The following CWC22 variants were observed in gnomAD, a reference collection of about 807,000 sequenced individuals.
CWC22 encodes CWC22 spliceosome associated protein.
Under a neutral mutation model 117.2 loss-of-function variants are expected in CWC22, and 53 were observed. The ratio of observed to expected loss-of-function variants is 0.45; its 90% confidence interval spans 0.36 to 0.57. CWC22 has a LOEUF of 0.57. Ranked by LOEUF, CWC22 falls within the 20% of genes least tolerant of loss-of-function variation. CWC22 has a pLI of 0.00. For synonymous variants in CWC22, 360 were observed against 355.6 expected, an observed-to-expected ratio of 1.01 and a Z score of -0.14; for missense variants, 980 against 1,068.8, an observed-to-expected ratio of 0.92 and a Z score of 1.16.
Position 179,979,330 on chromosome 2 carries a change from C to T in CWC22, c.453-1012G>A, listed in dbSNP as rs139309989. Reference sequence around the variant, plus strand: ...AATAACTACTTAAATTTCTAAGTAGCATGGCCATAATCCGTATCATGAAAT... The same window carrying T: ...AATAACTACTTAAATTTCTAAGTAGTATGGCCATAATCCGTATCATGAAAT... On this transcript the variant is annotated intron_variant, in intron 5 of 19. Transcript: ENST00000410053. Among the ~76,000 whole-genome samples the T allele has an allele frequency of 8.6e-4, 131 of 152,272 alleles. 1 individual carries two copies. Among genetic ancestry groups the T allele is most frequent in the Non-Finnish European group, 1.6e-3 (110 of 68,020 alleles).
chr2:179,954,153 T>C lies in CWC22; in HGVS notation c.1689+52A>G, dbSNP rs892881462. 19 of 1,428,934 alleles carry C rather than the reference T, an allele frequency of 1.3e-5. 1 individual carries two copies. Among genetic ancestry groups the C allele is most frequent in the Middle Eastern group, 3.6e-4 (2 of 5,520 alleles). 88.5% of individuals were successfully genotyped at this position (1,428,934 alleles called of 1,614,324 possible). A position where few individuals can be genotyped will look rare whatever the true frequency, so the allele number is the denominator to read the frequency against. On this transcript the variant is annotated intron_variant, in intron 16 of 19. Transcript: ENST00000410053. Reference sequence around the variant, plus strand: ...TATGGCTAGCTTATACGAAAATCTATTTGAGAACAGGGAATTAGGAAGGAA... The same window carrying C: ...TATGGCTAGCTTATACGAAAATCTACTTGAGAACAGGGAATTAGGAAGGAA...
chr2:179,976,755 T>A (rs1317795069), intron 6 of CWC22, among the ~76,000 whole-genome samples: 2 of 152,132 alleles, frequency 1.3e-5, no homozygotes, highest in African/African-American at 4.8e-5. Context: ...AAATAGCAAG[T>A]GTTGCCAAGG....
intron 1 of CWC22, among the ~76,000 whole-genome samples, chr2:180,005,216 C>CTTT (rs1687941835): frequency 6.6e-6 from 1 of 152,082 alleles, no homozygotes; most frequent in African/African-American, 2.4e-5. Context: ...AACTTATAAC[C>CTTT]AAGACAGTCT....
intron 1 of CWC22, among the ~76,000 whole-genome samples, chr2:180,004,994 T>A (rs1032496240): frequency 2.6e-5 from 4 of 151,216 alleles, no homozygotes; most frequent in Non-Finnish European, 5.9e-5. Flanking sequence ...CTCAAACTAA[T>A]TGGCATGAGA....
chr2:179,988,944 T>C (rs1575655658), intron 2 of CWC22, among the ~76,000 whole-genome samples: 1 of 151,684 alleles, frequency 6.6e-6, no homozygotes, highest in African/African-American at 2.4e-5. Context: ...TCAATAGTTT[T>C]ATGTGGAACA....
chr2:179,978,389 C>T (rs761112532), intron 5 of CWC22, 71 bp from the exon 6 acceptor site: 27 of 1,343,998 alleles, frequency 2.0e-5, no homozygotes, highest in Non-Finnish European at 2.3e-5. Flanking sequence ...AACATAAAAA[C>T]TACATAGTGC....
At chr2:179,986,976 A>G (rs1687434479) in intron 3 of CWC22, among the ~76,000 whole-genome samples, 171 bp from the exon 4 acceptor site, 1 of 152,174 alleles carries the variant, frequency 6.6e-6, no homozygotes, top group Non-Finnish European at 1.5e-5. Context: ...CAGAATTACA[A>G]AAGCTTTCAG....
chr2:179,950,529 C>T lies in CWC22; in HGVS notation c.2123G>A (p.Ser708Asn), dbSNP rs374782632. ...SEESDSSSIS[S>N]HSSASANDVR... ...TTCAATACCTGAGGCAGAGCTATGACTACTGATGGATGAAGAGTCGCTCTC... is the reference window on the plus strand; with the variant it reads ...TTCAATACCTGAGGCAGAGCTATGATTACTGATGGATGAAGAGTCGCTCTC... The change falls in exon 19 of 20, where the codon AGT becomes AAT. Residue 708 changes from serine to asparagine, a missense_variant. Around this residue, in one of 3 missense-constraint regions of CWC22, gnomAD observed 306 missense variants for 296.8 expected, o/e 1.03. Coordinates refer to ENST00000410053, the MANE Select transcript of CWC22 (RefSeq NM_020943.3). 5 of 1,610,056 alleles carry T rather than the reference C, an allele frequency of 3.1e-6. No homozygotes were observed. Among genetic ancestry groups the T allele is most frequent in the African/African-American group, 1.3e-5 (1 of 74,810 alleles).
chr2:180,005,571 G>A (rs1004975432), intron 1 of CWC22, among the ~76,000 whole-genome samples: 2 of 152,030 alleles, frequency 1.3e-5, no homozygotes, highest in Middle Eastern at 3.4e-3. Flanking sequence ...GTAAGACTCC[G>A]TCTCAAACAA....
At chr2:179,977,550 G>A (rs1165547692) in intron 6 of CWC22, among the ~76,000 whole-genome samples, 1 of 152,146 alleles carries the variant, frequency 6.6e-6, no homozygotes, top group African/African-American at 2.4e-5. Flanking sequence ...TAAAATGATG[G>A]TTACCAGAGG....
At chr2:179,991,619 G>A (rs1399539969) in intron 2 of CWC22, among the ~76,000 whole-genome samples, 1 of 152,178 alleles carries the variant, frequency 6.6e-6, no homozygotes, top group Non-Finnish European at 1.5e-5. Flanking sequence ...AGGAGTCTGA[G>A]AAAGGCTAAA....
At chr2:180,001,281 G>A (rs1406081221) in intron 1 of CWC22, among the ~76,000 whole-genome samples, 1 of 151,288 alleles carries the variant, frequency 6.6e-6, no homozygotes, top group African/African-American at 2.4e-5. Flanking sequence ...TCCCTACACA[G>A]CTATTTTGTG....
chr2:179,976,710 A>T (rs182370299), intron 6 of CWC22, among the ~76,000 whole-genome samples: 47 of 152,336 alleles, frequency 3.1e-4, no homozygotes, highest in African/African-American at 1.1e-3. Flanking sequence ...GAGACATCTC[A>T]CAACTGTTAC....
intron 2 of CWC22, 113 bp downstream of exon 2, chr2:179,993,202 G>C: frequency 1.3e-6 from 1 of 789,732 alleles, no homozygotes; most frequent in Non-Finnish European, 2.1e-6. Flanking sequence ...ACCAACCTAA[G>C]TGCCATTCTA....
intron 17 of CWC22, among the ~76,000 whole-genome samples, 193 bp downstream of exon 17, chr2:179,952,278 T>C (rs1449752918): frequency 6.6e-6 from 1 of 152,084 alleles, no homozygotes; most frequent in Non-Finnish European, 1.5e-5. Flanking sequence ...GAACTCCACT[T>C]AAACTAAAAA....
At chr2:179,975,041 C>T (rs561267969) in intron 6 of CWC22, among the ~76,000 whole-genome samples, 1 of 152,260 alleles carries the variant, frequency 6.6e-6, no homozygotes, top group African/African-American at 2.4e-5. Flanking sequence ...GCGACCGTGC[C>T]TGGCCACTAC....
At chr2:179,986,876 T>A in intron 3 of CWC22, 71 bp from the exon 4 acceptor site, 1 of 804,542 alleles carries the variant, frequency 1.2e-6, no homozygotes. Flanking sequence ...GAAAGTCATA[T>A]ATTGGTAATG....
intron 11 of CWC22, among the ~76,000 whole-genome samples, chr2:179,966,305 G>A (rs571597237): frequency 8.5e-5 from 13 of 152,324 alleles, no homozygotes; most frequent in Admixed American, 3.9e-4. Context: ...ATAGAAGTTA[G>A]TATATGGGAG....
chr2:179,998,620 A>C (rs949822145), intron 1 of CWC22, among the ~76,000 whole-genome samples: 1 of 152,158 alleles, frequency 6.6e-6, no homozygotes, highest in Non-Finnish European at 1.5e-5. Context: ...AGACTCTACT[A>C]TACAGAAAAT....
Sources: allele counts gnomAD v4.1 joint callset (sites outside exome capture counted in the v4.1 genomes callset), GRCh38; gene constraint gnomAD v4.1.1; regional missense constraint gnomAD v4.1.1; transcripts MANE v1.5; gene names NCBI Gene and HGNC (gene_info 2026-07-23, HGNC 2026-07-21).